The following C8orf76 variants were observed in gnomAD, a reference collection of about 807,000 sequenced individuals.
C8orf76 encodes uncharacterized protein C8orf76.
In C8orf76, 46 loss-of-function variants were observed where a neutral mutation model predicts 38.1. That is an observed-to-expected ratio of 1.21 (90% CI 0.95 to 1.54). The LOEUF (loss-of-function observed/expected upper bound fraction) is 1.54. Ranked by LOEUF, C8orf76 falls within the 40% of genes most tolerant of loss-of-function variation. C8orf76 has a pLI of 0.00. For synonymous variants in C8orf76, 166 were observed against 167.5 expected (o/e 0.99, Z 0.07); for missense variants, 461 against 441.6 (o/e 1.04, Z -0.39).
intron 5 of C8orf76, among the ~76,000 whole-genome samples, chr8:123,221,081 A>T (rs565493488): frequency 6.6e-6 from 1 of 152,360 alleles, no homozygotes; most frequent in Admixed American, 6.5e-5. Flanking sequence ...AAACCCGGAT[A>T]TTGAATGTGT....
At chr8:123,240,396 G>A (rs538807179) in intron 1 of C8orf76, among the ~76,000 whole-genome samples, 1 of 152,316 alleles carries the variant, frequency 6.6e-6, no homozygotes, top group East Asian at 1.9e-4. Context: ...CATCTTGTCA[G>A]TACAATTGTG....
chr8:123,222,554 A>C (rs1824918408), intron 5 of C8orf76, among the ~76,000 whole-genome samples: 1 of 152,220 alleles, frequency 6.6e-6, no homozygotes, highest in Non-Finnish European at 1.5e-5. Context: ...AAAAAATCAT[A>C]AACTTCAGAA....
At chr8:123,222,086 C>T (rs756167663) in intron 5 of C8orf76, among the ~76,000 whole-genome samples, 2 of 151,966 alleles carry the variant, frequency 1.3e-5, no homozygotes, top group Non-Finnish European at 2.9e-5. Context: ...CCTCCTGGAT[C>T]GAAGCTATTC....
Position 123,220,053 on chromosome 8 carries a change from G to C in C8orf76, c.*50C>G, listed in dbSNP as rs757400577. On this transcript the variant is annotated 3_prime_UTR_variant, in exon 6 of 6. Transcript: ENST00000276704. Reference sequence around the variant, plus strand: ...AATGGATCCTGTCTGAAGTAAACAAGGACAATTAATACAGTACAAGATATT... The same window carrying C: ...AATGGATCCTGTCTGAAGTAAACAACGACAATTAATACAGTACAAGATATT... 2 of 1,093,178 alleles carry C rather than the reference G, an allele frequency of 1.8e-6. No homozygotes were observed. Among genetic ancestry groups the C allele is most frequent in the East Asian group, 5.0e-5 (2 of 39,658 alleles). 67.7% of individuals were successfully genotyped at this position (1,093,178 alleles called of 1,614,324 possible). A position where few individuals can be genotyped will look rare whatever the true frequency, so the allele number is the denominator to read the frequency against.
rs759923053 is a variant in C8orf76 at position 123,231,702 on chromosome 8, G to A, written c.413C>T (p.Ala138Val). The A allele has an allele frequency of 1.2e-6, 2 of 1,613,074 alleles. No homozygotes were observed. Among genetic ancestry groups the A allele is most frequent in the Non-Finnish European group, 1.7e-6 (2 of 1,180,020 alleles). ...HLTTVLYLQL[A>V]ICSSLQNLEK... ...CAAGTTCTGCAAACTTGAACAAATA[G>A]CAAGCTGGAGGTAGAGTACCGTGGT... The change falls in exon 4 of 6, where the codon GCT becomes GTT. Residue 138 changes from alanine (A) to valine (V), a missense_variant. Physicochemically the swap from Ala to Val is moderately conservative, Grantham distance 64 (BLOSUM62 0). Coordinates refer to ENST00000276704, the MANE Select transcript of C8orf76 (RefSeq NM_032847.3).
At chr8:123,220,814 G>A (rs923004802) in intron 5 of C8orf76, among the ~76,000 whole-genome samples, 1 of 152,170 alleles carries the variant, frequency 6.6e-6, no homozygotes, top group Non-Finnish European at 1.5e-5. Context: ...ATCAGGCCCA[G>A]ATGAACACAG....
chr8:123,229,389 T>C (rs537429806), intron 4 of C8orf76, among the ~76,000 whole-genome samples: 1 of 152,310 alleles, frequency 6.6e-6, no homozygotes, highest in African/African-American at 2.4e-5. Flanking sequence ...AAATAATGTA[T>C]ACAAAGCATC....
At chr8:123,228,541 C>T (rs1204576370) in intron 4 of C8orf76, among the ~76,000 whole-genome samples, 1 of 152,056 alleles carries the variant, frequency 6.6e-6, no homozygotes, top group Non-Finnish European at 1.5e-5. Context: ...ATTGCTTGAA[C>T]CTGAGAAGCA....
chr8:123,226,328 A>G, intron 5 of C8orf76, 172 bp downstream of exon 5: 4 of 1,457,978 alleles, frequency 2.7e-6, no homozygotes, highest in Middle Eastern at 2.4e-4. Flanking sequence ...CTGCAGGGGA[A>G]TGCCGATCAA....
rs375566214 is a variant in C8orf76 at position 123,220,100 on chromosome 8, C to A, written c.*3G>T. ...TATTTGTGGTTTTGTTTTTTATAACCCACTAAGCCAAGATTTGTATCTCTG... is the reference window on the plus strand; with the variant it reads ...TATTTGTGGTTTTGTTTTTTATAACACACTAAGCCAAGATTTGTATCTCTG... On this transcript the variant is annotated 3_prime_UTR_variant, in exon 6 of 6. Coordinates refer to ENST00000276704, the MANE Select transcript of C8orf76 (RefSeq NM_032847.3). 29 of 1,589,850 alleles carry A rather than the reference C, an allele frequency of 1.8e-5. No individual in the cohort carries two copies. The African/African-American group carries it at 3.4e-4, about 19-fold the overall frequency.
Position 123,226,579 on chromosome 8 carries a change from T to G in C8orf76, c.869A>C (p.Asn290Thr). Residue 290 changes from asparagine to threonine, a missense_variant, in exon 5 of 6, where the codon AAC becomes ACC. By Grantham distance (65) the Asn-to-Thr change is moderately conservative (BLOSUM62 0). Transcript: ENST00000276704. ...PQQTSFALERNLRTQQEIEDK... is the reference protein window; with the variant it reads ...PQQTSFALERTLRTQQEIEDK... ...TTCAATTTCCTGCTGAGTCCTTAAG[T>G]TCCTCTCCAAAGCAAACGATGTTTG... is the stretch of plus-strand genomic sequence containing the variant. 1 of 1,612,570 alleles carries G rather than the reference T, an allele frequency of 6.2e-7. No homozygotes were observed. Among genetic ancestry groups the G allele is most frequent in the Non-Finnish European group, 8.5e-7 (1 of 1,179,698 alleles).
In C8orf76 at chr8:123,224,859, T is replaced by A. The variant is rs190618284; in HGVS notation, c.948+1641A>T. On this transcript the variant is annotated intron_variant, in intron 5 of 5. Coordinates refer to ENST00000276704, the MANE Select transcript of C8orf76 (RefSeq NM_032847.3). The stretch of plus-strand genomic sequence containing the variant: ...TGAAAACATAAGATACATTCTTATG[T>A]CTTCTTAGGGCCCAAAGAGCTATCT... Among the ~76,000 whole-genome samples the A allele has an allele frequency of 3.3e-5, 5 of 152,294 alleles. No homozygotes were observed. In the East Asian group the frequency reaches 9.6e-4, roughly 29 times the overall value.
intron 4 of C8orf76, 31 bp from the exon 5 acceptor site, chr8:123,226,663 GAA>G: frequency 6.4e-7 from 1 of 1,571,700 alleles, no homozygotes; most frequent in Non-Finnish European, 8.6e-7. Flanking sequence ...AATGCGTGGC[GAA>G]AAGTCCCAAC....
At chr8:123,225,068 C>T (rs1465361724) in intron 5 of C8orf76, among the ~76,000 whole-genome samples, 1 of 152,138 alleles carries the variant, frequency 6.6e-6, no homozygotes, top group Non-Finnish European at 1.5e-5. Context: ...TGCAGTGACA[C>T]AATCTCGGCT....
rs376195153 is a variant in C8orf76 at position 123,231,381 on chromosome 8, A to T, written c.734T>A (p.Ile245Asn). 2.7e-5 allele frequency: 44 copies of T among 1,614,048 alleles called. No homozygotes were observed. The highest frequency in any genetic ancestry group is 3.6e-5 in the Non-Finnish European group (43 of 1,180,042). The change falls in exon 4 of 6, where the codon ATC becomes AAC. Residue 245 changes from isoleucine to asparagine, a missense_variant. By Grantham distance (149) the Ile-to-Asn change is moderately radical. Transcript: ENST00000276704. Reference sequence around the variant, plus strand: ...TCTCTTTTCTGCCATACAGTTTTGGATATTTGTCAGAGCTTTCTCATTTTT... The same window carrying T: ...TCTCTTTTCTGCCATACAGTTTTGGTTATTTGTCAGAGCTTTCTCATTTTT... ...SQKNEKALTNIQNCMAEKRET... is the reference protein window; with the variant it reads ...SQKNEKALTNNQNCMAEKRET...
intron 5 of C8orf76, among the ~76,000 whole-genome samples, chr8:123,225,854 G>C (rs1464029711): frequency 6.6e-6 from 1 of 152,032 alleles, no homozygotes; most frequent in Non-Finnish European, 1.5e-5. Context: ...GAACCCAAGA[G>C]GTAGAGGTTG....
At chr8:123,231,822 T>A (rs1432579896) in intron 3 of C8orf76, 65 bp from the exon 4 acceptor site, 1 of 1,497,836 alleles carries the variant, frequency 6.7e-7, no homozygotes, top group Non-Finnish European at 8.8e-7. Flanking sequence ...AAAATGAGAA[T>A]GCCTAAAAAA....
At chr8:123,238,030 TG>T in intron 2 of C8orf76, 89 bp from the exon 3 acceptor site, 2 of 1,427,496 alleles carry the variant, frequency 1.4e-6, no homozygotes, top group Non-Finnish European at 1.9e-6. Flanking sequence ...TTTTCCTAGG[TG>T]GAAAGTAATG....
At chr8:123,222,041 T>G (rs1024111582) in intron 5 of C8orf76, among the ~76,000 whole-genome samples, 2 of 152,124 alleles carry the variant, frequency 1.3e-5, no homozygotes, top group Non-Finnish European at 2.9e-5. Context: ...CAGACTGGAG[T>G]GCAGTGGTGC....
Sources: allele counts gnomAD v4.1 joint callset (sites outside exome capture counted in the v4.1 genomes callset), GRCh38; gene constraint gnomAD v4.1.1; transcripts MANE v1.5; gene names NCBI Gene and HGNC (gene_info 2026-07-23, HGNC 2026-07-21).